C1orf185: variants seen among roughly 807,000 people sequenced by gnomAD.
The protein encoded by C1orf185 is chromosome 1 open reading frame 185, also known as uncharacterized protein C1orf185.
In C1orf185, 13 loss-of-function variants were observed where a neutral mutation model predicts 16.1. The observed-to-expected ratio is 0.81, with a 90% CI of 0.53 to 1.28. C1orf185 has a LOEUF of 1.28. Among genes scored for constraint, C1orf185 ranks in the 50% most tolerant of loss-of-function variants. C1orf185 has a pLI of 0.00. For synonymous variants in C1orf185, 80 were observed against 76.9 expected, an observed-to-expected ratio of 1.04 and a Z score of -0.21; for missense variants, 220 against 225.2, an observed-to-expected ratio of 0.98 and a Z score of 0.15.
At chr1:51,144,004 TTACTTGGCATAATAAATTTC>T (rs1466278194) in intron 3 of C1orf185, among the ~76,000 whole-genome samples, 1 of 152,226 alleles carries the variant, frequency 6.6e-6, no homozygotes, top group African/African-American at 2.4e-5. Context: ...CCGAAATTAT[TTACTTGGCATAATAAATTTC>T]TAGAAGTGGG....
rs927552722 is a variant in C1orf185, at chr1:51,102,270, T to C, written c.16+21T>C. On this transcript the variant is annotated intron_variant, in intron 1 of 4. Transcript: ENST00000371759. Reference sequence around the variant, plus strand: ...TAAAGGTATGAGAAGCTGGGTCATGTAGTCTAGCTTTTTGCCTGGGAAGAA... The same window carrying C: ...TAAAGGTATGAGAAGCTGGGTCATGCAGTCTAGCTTTTTGCCTGGGAAGAA... The C allele has an allele frequency of 3.1e-5, 22 of 713,932 alleles. No homozygotes were observed. The Admixed American group carries it at 3.6e-4, about 12-fold the overall frequency. 44.2% of individuals were successfully genotyped at this position (713,932 alleles called of 1,614,324 possible).
chr1:51,120,810 A>G (rs952592586), intron 3 of C1orf185, among the ~76,000 whole-genome samples: 2 of 152,186 alleles, frequency 1.3e-5, no homozygotes, highest in Non-Finnish European at 2.9e-5. Flanking sequence ...TTCATTCAAC[A>G]AATATGTAAG....
downstream of C1orf185, among the ~76,000 whole-genome samples, chr1:51,150,137 G>C (rs147509188): frequency 6.6e-6 from 1 of 151,336 alleles, no homozygotes; most frequent in Non-Finnish European, 1.5e-5. Flanking sequence ...ATTATAAATA[G>C]ATTTATGCAT....
chr1:51,104,944 G>A (rs551865346), intron 1 of C1orf185, among the ~76,000 whole-genome samples: 32 of 151,590 alleles, frequency 2.1e-4, no homozygotes, highest in African/African-American at 7.0e-4. Flanking sequence ...CTCCATAATC[G>A]TGTGTTACTT....
At chr1:51,116,051 G>A (rs1348535120) in intron 2 of C1orf185, among the ~76,000 whole-genome samples, 3 of 152,060 alleles carry the variant, frequency 2.0e-5, no homozygotes, top group Admixed American at 6.6e-5. Flanking sequence ...TGATAAAAAT[G>A]AAAGACATCC....
intron 3 of C1orf185, 78 bp downstream of exon 3, chr1:51,118,879 T>A (rs1172184216): frequency 4.7e-5 from 51 of 1,081,780 alleles, no homozygotes; most frequent in Non-Finnish European, 6.1e-5. Context: ...TGTCTTAAAA[T>A]CTGAAGGACA....
intron 4 of C1orf185, among the ~76,000 whole-genome samples, chr1:51,146,773 G>A (rs1483678421): frequency 2.6e-5 from 4 of 151,994 alleles, no homozygotes; most frequent in Non-Finnish European, 2.9e-5. Flanking sequence ...ATTATTAAGA[G>A]TATAAATAAT....
intron 3 of C1orf185, among the ~76,000 whole-genome samples, chr1:51,127,272 G>C (rs1646248328): frequency 6.6e-6 from 1 of 151,814 alleles, no homozygotes; most frequent in African/African-American, 2.4e-5. Context: ...CCAGGTATCA[G>C]CTTTCTGATT....
At chr1:51,103,844 T>C (rs1327743033) in intron 1 of C1orf185, among the ~76,000 whole-genome samples, 1 of 152,230 alleles carries the variant, frequency 6.6e-6, no homozygotes, top group Non-Finnish European at 1.5e-5. Context: ...CATTATGTTA[T>C]TAATTTCTTA....
chr1:51,146,431 C>A (rs1646401260), intron 4 of C1orf185, among the ~76,000 whole-genome samples: 1 of 149,876 alleles, frequency 6.7e-6, no homozygotes, highest in East Asian at 2.0e-4. Flanking sequence ...TACACTCCAG[C>A]CTGGGTGACA....
At chr1:51,131,955 T>C (rs528675151) in intron 3 of C1orf185, among the ~76,000 whole-genome samples, 1 of 152,264 alleles carries the variant, frequency 6.6e-6, no homozygotes, top group South Asian at 2.1e-4. Context: ...CCAGTGCAAG[T>C]ACCTTAGAGT....
At chr1:51,106,517 G>A (rs1646073341) in intron 1 of C1orf185, among the ~76,000 whole-genome samples, 1 of 152,108 alleles carries the variant, frequency 6.6e-6, no homozygotes. Context: ...GCATGTGCCT[G>A]TAGTCCTAGT....
chr1:51,147,045 A>G (rs901182433), intron 4 of C1orf185, among the ~76,000 whole-genome samples: 2 of 152,172 alleles, frequency 1.3e-5, no homozygotes, highest in Non-Finnish European at 2.9e-5. Flanking sequence ...TTGAGTTTTA[A>G]AGATTACTGT....
At chr1:51,143,643 C>CTT (rs10660877) in intron 3 of C1orf185, among the ~76,000 whole-genome samples, 21,040 of 152,038 alleles carry the variant, frequency 0.14, 2,799 homozygotes, top group African/African-American at 0.35. Flanking sequence ...TTTCCTTACT[C>CTT]GGGATTTTAT....
At chr1:51,120,087 C>T (rs1646186628) in intron 3 of C1orf185, among the ~76,000 whole-genome samples, 1 of 152,072 alleles carries the variant, frequency 6.6e-6, no homozygotes, top group Admixed American at 6.6e-5. Flanking sequence ...AAGGACATCT[C>T]ATGTTCAAAG....
intron 1 of C1orf185, among the ~76,000 whole-genome samples, chr1:51,106,375 C>CT (rs899412395): frequency 5.6e-4 from 83 of 148,432 alleles, no homozygotes; most frequent in African/African-American, 1.6e-3. Context: ...CCCTATCTCT[C>CT]TTTTTTTTTT....
chr1:51,125,727 T>A (rs2148020299), intron 3 of C1orf185, among the ~76,000 whole-genome samples: 1 of 152,286 alleles, frequency 6.6e-6, no homozygotes, highest in East Asian at 1.9e-4. Flanking sequence ...CTCAAATATG[T>A]CACCCTGAGC....
intron 3 of C1orf185, among the ~76,000 whole-genome samples, chr1:51,134,405 A>T (rs531724784): frequency 2.0e-5 from 3 of 152,246 alleles, no homozygotes; most frequent in East Asian, 1.9e-4. Flanking sequence ...TCTCAAGTTA[A>T]CAACCTAACA....
At chr1:51,124,400 G>T (rs1185608075) in intron 3 of C1orf185, among the ~76,000 whole-genome samples, 1 of 152,158 alleles carries the variant, frequency 6.6e-6, no homozygotes, top group East Asian at 1.9e-4. Context: ...CTATTTTTAA[G>T]GTGTGTTTTT....
Sources: gnomAD v4.1 joint callset for allele counts (sites outside exome capture counted in the v4.1 genomes callset) on GRCh38, gnomAD v4.1.1 for gene constraint, MANE v1.5 for transcripts, NCBI Gene and HGNC (gene_info 2026-07-23, HGNC 2026-07-21) for gene names.